The following DNAH2 variants were observed in gnomAD, a reference collection of about 807,000 sequenced individuals.
DNAH2 encodes the protein axonemal beta dynein heavy chain 2.
Under a neutral mutation model 523.5 loss-of-function variants are expected in DNAH2, and 323 were observed. The ratio of observed to expected loss-of-function variants is 0.62; its 90% CI spans 0.56 to 0.68. The LOEUF is 0.68. DNAH2 is among the 30% of genes least tolerant of loss of function. The pLI is 0.00. For synonymous variants in DNAH2, 2,093 were observed against 2,177.4 expected, an observed-to-expected ratio of 0.96 and a Z score of 1.08; for missense variants, 4,907 against 5,701.5, an observed-to-expected ratio of 0.86 and a Z score of 4.49.
Position 7,818,121 on chromosome 17 carries a change from C to A in DNAH2, c.10387+25C>A, listed in dbSNP as rs1329251557. On this transcript the variant is annotated intron_variant, in intron 68 of 85. Transcript: ENST00000572933. ...GGTCAGGACAAGTCCCCAAGACCAG[C>A]CAAGTGGGATGCTAGGGAGGGAAGG... is the stretch of plus-strand genomic sequence containing the variant. 2.5e-6 allele frequency: 4 copies of A among 1,608,584 alleles called. No homozygotes were observed. The African/African-American group carries it at 5.3e-5, about 21-fold the overall frequency.
At position 7,747,277 on chromosome 17, in the gene DNAH2, C is replaced by CTT. The variant is rs565423492; in HGVS notation, c.1904+4143_1904+4144dup. 1.1e-3 allele frequency among the ~76,000 whole-genome samples: 173 copies of CTT among 150,706 alleles called. 1 individual carries two copies. Among genetic ancestry groups the CTT allele is most frequent in the African/African-American group, 4.0e-3 (164 of 41,062 alleles). On this transcript the variant is annotated intron_variant, in intron 12 of 85. Coordinates refer to ENST00000572933, the MANE Select transcript of DNAH2 (RefSeq NM_020877.5). ...AGCCACTGCACCCCGTCACACCTTG[C>CTT]TTTTTTTTTAAGGTTAACAATCTGT...
At chr17:7,757,346 T>A in intron 13 of DNAH2, 109 bp downstream of exon 13, 1 of 1,377,916 alleles carries the variant, frequency 7.3e-7, no homozygotes, top group Non-Finnish European at 9.7e-7. Flanking sequence ...GTCCTCTACA[T>A]CTTTTCCATC....
chr17:7,792,932 C>G, intron 47 of DNAH2, 49 bp from the exon 48 acceptor site: 1 of 1,601,964 alleles, frequency 6.2e-7, no homozygotes, highest in Middle Eastern at 1.7e-4. Flanking sequence ...TCTCTAAGCC[C>G]GTATTTCTCT....
At chr17:7,759,632 A>G (rs544603621) in intron 16 of DNAH2, 22 bp downstream of exon 16, 8 of 1,608,826 alleles carry the variant, frequency 5.0e-6, no homozygotes, top group South Asian at 1.1e-5. Flanking sequence ...TTTGCCCCCA[A>G]CATCTCAAAA....
At chr17:7,829,029 T>C (rs2078095191) in intron 77 of DNAH2, among the ~76,000 whole-genome samples, 1 of 134,190 alleles carries the variant, frequency 7.5e-6, no homozygotes, top group Non-Finnish European at 1.6e-5. Context: ...TTATTATTAT[T>C]ATTTTTTTTT....
At position 7,776,128 on chromosome 17, in the gene DNAH2, G is replaced by T; in HGVS notation, c.4926G>T (p.Trp1642Cys). The change falls in exon 31 of 86, where the codon TGG becomes TGT. Residue 1642 changes from tryptophan (W) to cysteine (C), a missense_variant. Trp to Cys is a radical substitution (Grantham distance 215, BLOSUM62 -2). This residue lies in a region of DNAH2 where 2,806 missense variants were observed against 3,190.8 expected (regional missense o/e 0.88). Transcript: ENST00000572933. ...AGTTCCTCAACAAGAGGGACAAATG[G>T]GTGAAGGAGTGGGCTGGCCAGGTGA... is the stretch of plus-strand genomic sequence containing the variant. ...LRKFLNKRDK[W>C]VKEWAGQVVI... 1 of 1,613,878 alleles carries T rather than the reference G, an allele frequency of 6.2e-7. No individual in the cohort carries two copies. Among genetic ancestry groups the T allele is most frequent in the Non-Finnish European group, 8.5e-7 (1 of 1,179,888 alleles).
rs1369621292 is a variant in DNAH2 at position 7,718,009 on chromosome 17, G to A, written c.-805G>A. 1 of 151,474 alleles carries A rather than the reference G, an allele frequency of 6.6e-6. No homozygotes were observed. Among genetic ancestry groups the A allele is most frequent in the Admixed American group, 6.6e-5 (1 of 15,192 alleles). The allele number at this position is 151,474 out of a possible 1,614,324, so 9.4% of individuals were successfully genotyped here. ...GGCAGTTGTGACAGCTGGGGGGGAA[G>A]AGCCATTCTGAGGGGAAATTTGCCT... On this transcript the variant is annotated 5_prime_UTR_variant, in exon 1 of 86. Coordinates refer to ENST00000572933, the MANE Select transcript of DNAH2 (RefSeq NM_020877.5).
At position 7,786,049 on chromosome 17, in the gene DNAH2, C is replaced by A. The variant is rs2076723828; in HGVS notation, c.6130-75C>A. 6.7e-7 allele frequency: 1 copy of A among 1,484,904 alleles called. No homozygotes were observed. The highest frequency in any genetic ancestry group is 9.3e-7 in the Non-Finnish European group (1 of 1,074,778). 92.0% of individuals were successfully genotyped at this position (1,484,904 alleles called of 1,614,324 possible). On this transcript the variant is annotated intron_variant, in intron 39 of 85. Transcript: ENST00000572933. The surrounding 1 kb of genome is among the most constrained non-coding windows in gnomAD (Gnocchi z 7.5). Reference sequence around the variant, plus strand: ...AACAGTTTGAACGTATTCTCTCTGGCACCGGGGAGATTTTGAAAGCCCTTT... The same window carrying A: ...AACAGTTTGAACGTATTCTCTCTGGAACCGGGGAGATTTTGAAAGCCCTTT...
chr17:7,807,681 C>A lies in DNAH2; in HGVS notation c.9729+95C>A. ...TGTTTTCCCCCATCTAATTCTAGCC[C>A]CCTTCCCCATGTCCTGTGCCATTCC... is the stretch of plus-strand genomic sequence containing the variant. On this transcript the variant is annotated intron_variant, in intron 63 of 85. Transcript: ENST00000572933. This position sits in a 1 kb window ranked among gnomAD's most constrained non-coding sequence, Gnocchi z 5.6. 9.1e-7 allele frequency: 1 copy of A among 1,102,756 alleles called. No homozygotes were observed. Among genetic ancestry groups the A allele is most frequent in the South Asian group, 1.4e-5 (1 of 71,536 alleles). 68.3% of individuals were successfully genotyped at this position (1,102,756 alleles called of 1,614,324 possible). A position where few individuals can be genotyped will look rare whatever the true frequency, so the allele number is the denominator to read the frequency against.
chr17:7,831,587 A>G lies in DNAH2; in HGVS notation c.12611+46A>G, dbSNP rs1222606118. ...GCGGAACAGGGGAGGGTGTGAGGAG[A>G]AGCCTTTGCCTTCTGGCTAGAATGA... On this transcript the variant is annotated intron_variant, in intron 81 of 85. Transcript: ENST00000572933. The surrounding 1 kb of genome is among the most constrained non-coding windows in gnomAD (Gnocchi z 4.2). 1.2e-6 allele frequency: 2 copies of G among 1,613,546 alleles called. No homozygotes were observed. The highest frequency in any genetic ancestry group is 1.7e-6 in the Non-Finnish European group (2 of 1,179,714).
At chr17:7,750,369 G>A (rs1324024531) in intron 12 of DNAH2, among the ~76,000 whole-genome samples, 1 of 152,150 alleles carries the variant, frequency 6.6e-6, no homozygotes, top group African/African-American at 2.4e-5. Flanking sequence ...TTCAAGGCCT[G>A]TTACAAAGCA....
chr17:7,778,037 C>T, intron 33 of DNAH2, 40 bp from the exon 34 acceptor site: 1 of 1,566,290 alleles, frequency 6.4e-7, no homozygotes, highest in Non-Finnish European at 8.8e-7. Context: ...AACTCTCCTT[C>T]CAAGCCCACC....
At chr17:7,799,644 G>A (rs1404463230) in intron 56 of DNAH2, among the ~76,000 whole-genome samples, 3 of 152,072 alleles carry the variant, frequency 2.0e-5, no homozygotes, top group Non-Finnish European at 2.9e-5. Context: ...GTGAAACCCC[G>A]TCTCTACTAA....
In DNAH2 at chr17:7,823,433, T is replaced by TC. The variant is rs1380100868; in HGVS notation, c.11143-6dup. 1.2e-6 allele frequency: 2 copies of TC among 1,613,032 alleles called. No homozygotes were observed. The highest frequency in any genetic ancestry group is 1.7e-6 in the Non-Finnish European group (2 of 1,179,628). On this transcript the variant is annotated splice_polypyrimidine_tract_variant and intron_variant, in intron 73 of 85. Transcript: ENST00000572933. ...GTCAATCCCTTTCTTCCTCCCCTTC[T>TC]CCCACCAGGTCTTGGATCGGGAGGG...
At position 7,754,708 on chromosome 17, in the gene DNAH2, C is replaced by T; in HGVS notation, c.1905-2383C>T. 8.2e-7 allele frequency: 1 copy of T among 1,217,644 alleles called. No individual in the cohort carries two copies. Among genetic ancestry groups the T allele is most frequent in the Non-Finnish European group, 1.2e-6 (1 of 837,446 alleles). The allele number at this position is 1,217,644 out of a possible 1,614,324, so 75.4% of individuals were successfully genotyped here. On this transcript the variant is annotated intron_variant, in intron 12 of 85. Transcript: ENST00000572933. The surrounding 1 kb of genome is among the most constrained non-coding windows in gnomAD (Gnocchi z 4.6). ...GCCCACCCCAACCTTGGGAAGCTTG[C>T]TCGTGCCCGCATGGCCAAGGGGCTC...
intron 18 of DNAH2, among the ~76,000 whole-genome samples, chr17:7,763,266 C>T (rs1465358461): frequency 6.6e-6 from 1 of 152,230 alleles, no homozygotes; most frequent in Non-Finnish European, 1.5e-5. Context: ...TCAAGCCATT[C>T]TCCTGCCTCA....
chr17:7,751,920 G>GGGGGGTGTGT (rs111751776), intron 12 of DNAH2, among the ~76,000 whole-genome samples: 5 of 145,874 alleles, frequency 3.4e-5, no homozygotes, highest in Non-Finnish European at 6.0e-5. Context: ...ATAGTTGTGG[G>GGGGGGTGTGT]GTGTGTGTGT....
At position 7,719,712 on chromosome 17, in the gene DNAH2, T is replaced by C. The variant is rs773921749; in HGVS notation, c.-14-9T>C. On this transcript the variant is annotated splice_polypyrimidine_tract_variant and intron_variant, in intron 1 of 85. Coordinates refer to ENST00000572933, the MANE Select transcript of DNAH2 (RefSeq NM_020877.5). ...TGCTTGTAGACTCTCCACTCCTGTA[T>C]ACCTGTAGGTTTTGCCTGCACGATG... The C allele has an allele frequency of 3.8e-5, 62 of 1,614,088 alleles. No individual in the cohort carries two copies. The South Asian group carries it at 6.6e-4, about 17-fold the overall frequency.
intron 7 of DNAH2, among the ~76,000 whole-genome samples, chr17:7,736,383 G>T (rs1342537637): frequency 1.3e-5 from 2 of 152,174 alleles, no homozygotes; most frequent in East Asian, 3.8e-4. Flanking sequence ...AAGGGAACTG[G>T]GTGACAACTA....
Sources: gnomAD v4.1 joint callset for allele counts (sites outside exome capture counted in the v4.1 genomes callset) on GRCh38, gnomAD v4.1.1 for gene constraint, gnomAD v4.1.1 regional missense constraint, Gnocchi (gnomAD v3.1) non-coding constraint, MANE v1.5 for transcripts, NCBI Gene and HGNC (gene_info 2026-07-23, HGNC 2026-07-21) for gene names.